SLC25A21: variants seen among roughly 807,000 people sequenced by gnomAD.
The protein encoded by SLC25A21 is solute carrier family 25 member 21.
SLC25A21 carries 47 observed loss-of-function variants against 43.8 expected under a neutral mutation model. The observed-to-expected ratio is 1.07, with a 90% CI of 0.85 to 1.37. The LOEUF (loss-of-function observed/expected upper bound fraction) is 1.37, where lower values mean the gene tolerates loss of function less well. Among genes scored for constraint, SLC25A21 ranks in the 40% most tolerant of loss-of-function variants. The pLI, the probability that SLC25A21 is intolerant of heterozygous loss-of-function variation, is 0.00. For missense variants in SLC25A21, 352 were observed against 350.2 expected (o/e 1.00, Z -0.04); for synonymous variants, 131 against 121.3 (o/e 1.08, Z -0.52).
At chr14:37,160,393 A>G (rs1346365204) in intron 1 of SLC25A21, among the ~76,000 whole-genome samples, 1 of 152,242 alleles carries the variant, frequency 6.6e-6, no homozygotes, top group Non-Finnish European at 1.5e-5. Context: ...CCATTAAAAA[A>G]TACTAAAATC....
intron 1 of SLC25A21, among the ~76,000 whole-genome samples, chr14:37,043,670 C>T (rs1189578207): frequency 3.3e-5 from 5 of 152,106 alleles, no homozygotes; most frequent in Non-Finnish European, 5.9e-5. Flanking sequence ...GTTCTCTGTA[C>T]CTACAAAGAC....
chr14:37,042,219 G>C (rs551855411), intron 1 of SLC25A21, among the ~76,000 whole-genome samples: 3 of 152,270 alleles, frequency 2.0e-5, no homozygotes, highest in African/African-American at 7.2e-5. Context: ...GCTGCCACAT[G>C]GCTAGCTGGA....
intron 3 of SLC25A21, among the ~76,000 whole-genome samples, chr14:36,800,212 C>T (rs1410077755): frequency 6.6e-6 from 1 of 152,128 alleles, no homozygotes; most frequent in Non-Finnish European, 1.5e-5. Context: ...AGCAATCTCA[C>T]TTCTGGGTAT....
rs570872345 is a variant in SLC25A21, at chr14:36,841,594, T to G, written c.120-27593A>C. On this transcript the variant is annotated intron_variant, in intron 2 of 9. Coordinates refer to ENST00000331299, the MANE Select transcript of SLC25A21 (RefSeq NM_030631.4). ...TGATTTCCTAACACAGGATCTGCAT[T>G]AATTCACAGCTGTGCTCATTGGTTG... is the stretch of plus-strand genomic sequence containing the variant. Among the ~76,000 whole-genome samples the G allele has an allele frequency of 2.0e-5, 3 of 152,366 alleles. No individual in the cohort carries two copies. In the East Asian group the frequency reaches 5.8e-4, roughly 29 times the overall value.
At chr14:36,708,951 T>A (rs1022504650) in intron 7 of SLC25A21, among the ~76,000 whole-genome samples, 16 of 151,748 alleles carry the variant, frequency 1.1e-4, no homozygotes, top group Admixed American at 5.3e-4. Flanking sequence ...TAGAATAAAG[T>A]TTGTGCTTGT....
At chr14:37,059,594 G>A (rs939353405) in intron 1 of SLC25A21, among the ~76,000 whole-genome samples, 31 of 152,012 alleles carry the variant, frequency 2.0e-4, no homozygotes, top group African/African-American at 6.8e-4. Context: ...AAGGTTAACC[G>A]AAACAAACAA....
chr14:36,816,497 CTTTTT>C (rs373274280), intron 2 of SLC25A21, among the ~76,000 whole-genome samples: 1 of 131,824 alleles, frequency 7.6e-6, no homozygotes, highest in East Asian at 2.1e-4. Flanking sequence ...ATATTCTCCT[CTTTTT>C]TTTTTTTTTT....
intron 1 of SLC25A21, among the ~76,000 whole-genome samples, chr14:36,972,886 A>G (rs964405837): frequency 1.3e-5 from 2 of 152,008 alleles, no homozygotes; most frequent in Non-Finnish European, 2.9e-5. Context: ...AGGCTGGAGT[A>G]TACTGGCACA....
At chr14:36,973,206 A>G (rs1227663602) in intron 1 of SLC25A21, among the ~76,000 whole-genome samples, 3 of 152,084 alleles carry the variant, frequency 2.0e-5, no homozygotes, top group African/African-American at 7.2e-5. Flanking sequence ...AAAATCTGGC[A>G]GTGTATGTAA....
At chr14:36,730,398 C>G (rs1355486834) in intron 4 of SLC25A21, among the ~76,000 whole-genome samples, 1 of 152,148 alleles carries the variant, frequency 6.6e-6, no homozygotes, top group Non-Finnish European at 1.5e-5. Flanking sequence ...CTGTCAACAC[C>G]ACTGATAAGG....
At chr14:36,918,668 T>C (rs565207662) in intron 1 of SLC25A21, among the ~76,000 whole-genome samples, 4 of 152,098 alleles carry the variant, frequency 2.6e-5, no homozygotes, top group Admixed American at 6.6e-5. Context: ...ACCTTCAATT[T>C]AATACAAACA....
chr14:36,970,918 C>T (rs566558579), intron 1 of SLC25A21, among the ~76,000 whole-genome samples: 1 of 152,272 alleles, frequency 6.6e-6, no homozygotes, highest in South Asian at 2.1e-4. Flanking sequence ...TTTCTAGCCT[C>T]TTTACATTTA....
intron 1 of SLC25A21, among the ~76,000 whole-genome samples, chr14:37,144,108 G>A (rs77384194): frequency 6.6e-6 from 1 of 152,144 alleles, no homozygotes; most frequent in Non-Finnish European, 1.5e-5. Flanking sequence ...ATGAGAAAAA[G>A]AGAGCCAGCT....
intron 1 of SLC25A21, among the ~76,000 whole-genome samples, chr14:36,967,525 C>T (rs1959644915): frequency 1.3e-5 from 2 of 152,170 alleles, no homozygotes; most frequent in South Asian, 4.1e-4. Context: ...AACTTTTCCC[C>T]ACACCCAAAA....
At chr14:37,151,476 G>A (rs2138934651) in intron 1 of SLC25A21, among the ~76,000 whole-genome samples, 1 of 152,228 alleles carries the variant, frequency 6.6e-6, no homozygotes, top group Middle Eastern at 3.4e-3. Flanking sequence ...AACAAGAAAT[G>A]GACTTTTGTA....
At chr14:36,813,896 G>A in intron 3 of SLC25A21, 22 bp downstream of exon 3, 1 of 1,462,660 alleles carries the variant, frequency 6.8e-7, no homozygotes, top group Non-Finnish European at 9.5e-7. Flanking sequence ...TATTAAAATG[G>A]CTATATGAAG....
chr14:37,144,140 T>C (rs564931751), intron 1 of SLC25A21, among the ~76,000 whole-genome samples: 12 of 152,326 alleles, frequency 7.9e-5, no homozygotes, highest in South Asian at 2.1e-4. Flanking sequence ...TGAGTAATAA[T>C]GTCACTGTCA....
At chr14:36,716,586 G>C (rs1884145933) in intron 6 of SLC25A21, among the ~76,000 whole-genome samples, 1 of 152,140 alleles carries the variant, frequency 6.6e-6, no homozygotes, top group Non-Finnish European at 1.5e-5. Context: ...GAAGATCCTT[G>C]GTGTAAATGA....
At chr14:36,779,582 T>C (rs1886969225) in intron 3 of SLC25A21, among the ~76,000 whole-genome samples, 1 of 137,690 alleles carries the variant, frequency 7.3e-6, no homozygotes, top group African/African-American at 2.6e-5. Context: ...TCCAGTCTTT[T>C]AAAAGAAAGG....
Sources: gnomAD v4.1 joint callset for allele counts (sites outside exome capture counted in the v4.1 genomes callset) on GRCh38, gnomAD v4.1.1 for gene constraint, MANE v1.5 for transcripts, NCBI Gene and HGNC (gene_info 2026-07-23, HGNC 2026-07-21) for gene names.